The following NOX5 variants were observed in gnomAD, a reference collection of about 807,000 sequenced individuals.
NOX5 encodes the protein NADPH oxidase 5.
In NOX5, 76 loss-of-function variants were observed where a neutral mutation model predicts 85.7. The ratio of observed to expected loss-of-function variants is 0.89; its 90% CI spans 0.74 to 1.07. The LOEUF (loss-of-function observed/expected upper bound fraction) is 1.07, where lower values mean the gene tolerates loss of function less well. Among genes scored for constraint, NOX5 ranks in the 50% least tolerant of loss-of-function variants. NOX5 has a pLI of 0.00. For missense variants in NOX5, 973 were observed against 999.5 expected, an observed-to-expected ratio of 0.97 and a Z score of 0.36; for synonymous variants, 405 against 401.4, an observed-to-expected ratio of 1.01 and a Z score of -0.11.
intron 10 of NOX5, among the ~76,000 whole-genome samples, chr15:69,043,741 A>T (rs2050625991): frequency 6.6e-6 from 1 of 152,170 alleles, no homozygotes; most frequent in Non-Finnish European, 1.5e-5. Flanking sequence ...AATGGGCTAG[A>T]TACACTAAAA....
At chr15:69,018,572 C>T (rs1479025875) in intron 1 of NOX5, among the ~76,000 whole-genome samples, 4 of 146,090 alleles carry the variant, frequency 2.7e-5, no homozygotes, top group South Asian at 4.6e-4. Flanking sequence ...TTACTGGACG[C>T]CCAAAGCTGG....
rs2050362182 is a variant in NOX5 at position 69,026,657 on chromosome 15, T to C, written c.174+6T>C. On this transcript the variant is annotated splice_donor_region_variant and intron_variant, in intron 2 of 15. Transcript: ENST00000388866. ...CAGCTCTGCATGTGAAAGAGGCAAG[T>C]GTTGGGCCAAGGTGGAAGCCCTGCA... The C allele has an allele frequency of 1.2e-6, 2 of 1,613,904 alleles. No individual in the cohort carries two copies. Among genetic ancestry groups the C allele is most frequent in the Non-Finnish European group, 1.7e-6 (2 of 1,179,932 alleles).
intron 1 of NOX5, among the ~76,000 whole-genome samples, chr15:69,015,896 G>A (rs1041807910): frequency 2.2e-5 from 3 of 134,582 alleles, no homozygotes. Flanking sequence ...ATCAGTGAAG[G>A]TCGAAGCAGA....
At chr15:69,028,530 T>C in intron 3 of NOX5, 165 bp downstream of exon 3, 1 of 527,542 alleles carries the variant, frequency 1.9e-6, no homozygotes, top group Non-Finnish European at 3.2e-6. Context: ...CTCACATCTC[T>C]CTCCCAGTCC....
chr15:69,054,057 A>C (rs2050780882), intron 14 of NOX5, among the ~76,000 whole-genome samples: 1 of 152,138 alleles, frequency 6.6e-6, no homozygotes, highest in African/African-American at 2.4e-5. Context: ...CTGGGTGTAG[A>C]GGAAGAGAGG....
chr15:69,033,181 C>A lies in NOX5; in HGVS notation c.759C>A (p.Phe253Leu). ...ATYAGLHVLL[F>L]GLAASAHRDL... ...ATGCAGGCCTCCACGTGCTGCTCTT[C>A]GGGCTGGCGGCCAGCGCGCACCGGG... Residue 253 changes from phenylalanine (F) to leucine (L), a missense_variant, in exon 5 of 16, where the codon TTC (phenylalanine) becomes TTA (leucine). By Grantham distance (22) the Phe-to-Leu change is conservative (BLOSUM62 0). Coordinates refer to ENST00000388866, the MANE Select transcript of NOX5 (RefSeq NM_024505.4). 1 of 1,589,706 alleles carries A rather than the reference C, an allele frequency of 6.3e-7. No homozygotes were observed. The highest frequency in any genetic ancestry group is 8.5e-7 in the Non-Finnish European group (1 of 1,175,380).
At position 69,035,488 on chromosome 15, in the gene NOX5, G is replaced by C; in HGVS notation, c.990G>C (p.Val330=). Residue 330 remains valine (V), a synonymous_variant, in exon 6 of 16, where the codon GTG becomes GTC. Transcript: ENST00000388866. ...TGGGGCTGTCCCTCGTGCACACCGT[G>C]GCTCACACTGTGAACTTTGGTGAGT... is the stretch of plus-strand genomic sequence containing the variant. ...VVVGLSLVHT[V]AHTVNFVLQA... is the part of the protein sequence containing the mutation. 6.2e-7 allele frequency: 1 copy of C among 1,614,164 alleles called. No homozygotes were observed. Among genetic ancestry groups the C allele is most frequent in the Non-Finnish European group, 8.5e-7 (1 of 1,179,986 alleles).
At position 69,035,789 on chromosome 15, in the gene NOX5, C is replaced by G. The variant is rs547178349; in HGVS notation, c.1041C>G (p.Phe347Leu). 7 of 1,614,218 alleles carry G rather than the reference C, an allele frequency of 4.3e-6. No homozygotes were observed. Among genetic ancestry groups the G allele is most frequent in the Middle Eastern group, 1.7e-4 (1 of 6,060 alleles). The change falls in exon 7 of 16, where the codon TTC (phenylalanine) becomes TTG (leucine). Residue 347 changes from phenylalanine to leucine, a missense_variant. Coordinates refer to ENST00000388866, the MANE Select transcript of NOX5 (RefSeq NM_024505.4). ...AGGCTCAGGCGGAGGCCAGCCCTTT[C>G]CAGTTCTGGGAGCTGCTGCTCACCA... is the stretch of plus-strand genomic sequence containing the variant. ...VLQAQAEASP[F>L]QFWELLLTTR...
chr15:69,040,374 T>C (rs931765553), intron 9 of NOX5, among the ~76,000 whole-genome samples: 2 of 152,216 alleles, frequency 1.3e-5, no homozygotes, highest in Admixed American at 6.5e-5. Flanking sequence ...GGAAAACCAT[T>C]GCCAATTATT....
intron 1 of NOX5, among the ~76,000 whole-genome samples, chr15:69,017,679 T>C (rs1371975266): frequency 6.6e-6 from 1 of 152,090 alleles, no homozygotes; most frequent in African/African-American, 2.4e-5. Context: ...TCAGGATAGC[T>C]TGAGGGCTGT....
intron 14 of NOX5, among the ~76,000 whole-genome samples, chr15:69,052,918 A>G (rs1011658429): frequency 1.3e-5 from 2 of 152,196 alleles, no homozygotes; most frequent in Non-Finnish European, 2.9e-5. Flanking sequence ...TTTAATTTAA[A>G]TTTTCTAGTT....
intron 10 of NOX5, among the ~76,000 whole-genome samples, chr15:69,043,851 C>T (rs2050627631): frequency 6.6e-6 from 1 of 152,138 alleles, no homozygotes. Flanking sequence ...AATATGTATA[C>T]CTACACACCC....
intron 2 of NOX5, 51 bp downstream of exon 2, chr15:69,026,702 GT>G (rs776518289): frequency 1.2e-6 from 2 of 1,611,602 alleles, no homozygotes. Flanking sequence ...ATGTGGCCTG[GT>G]TCTCAGGGCA....
rs1274397890 is a variant in NOX5 at position 69,028,247 on chromosome 15, T to C, written c.207T>C (p.Phe69=). 6.2e-7 allele frequency: 1 copy of C among 1,612,190 alleles called. No homozygotes were observed. The highest frequency in any genetic ancestry group is 8.5e-7 in the Non-Finnish European group (1 of 1,179,124). ...TTGCAGAGCGATTCTTTGCCCTATT[T>C]GACTCCGATAGAAGTGGCACCATCA... ...SFFAERFFAL[F]DSDRSGTITL... is the part of the protein sequence containing the mutation. The change falls in exon 3 of 16, where the codon TTT becomes TTC. Residue 69 remains phenylalanine (F), a synonymous_variant. Transcript: ENST00000388866.
At chr15:69,015,143 G>T (rs2050216027) in intron 1 of NOX5, among the ~76,000 whole-genome samples, 1 of 152,298 alleles carries the variant, frequency 6.6e-6, no homozygotes, top group African/African-American at 2.4e-5. Flanking sequence ...GCAAAGCAAG[G>T]CTGGACCTAA....
At chr15:69,052,911 A>T (rs1037096521) in intron 14 of NOX5, among the ~76,000 whole-genome samples, 2 of 152,228 alleles carry the variant, frequency 1.3e-5, no homozygotes, top group Non-Finnish European at 2.9e-5. Flanking sequence ...GTTTAAATTT[A>T]ATTTAAATTT....
Position 69,038,872 on chromosome 15 carries a change from A to G in NOX5, c.1387A>G (p.Ile463Val). 1 of 1,614,148 alleles carries G rather than the reference A, an allele frequency of 6.2e-7. No individual in the cohort carries two copies. Among genetic ancestry groups the G allele is most frequent in the Middle Eastern group, 1.7e-4 (1 of 6,060 alleles). The change falls in exon 9 of 16, where the codon ATC (isoleucine) becomes GTC (valine). Residue 463 changes from isoleucine (I) to valine (V), a missense_variant. Physicochemically the swap from Ile to Val is conservative, Grantham distance 29 (BLOSUM62 3). Coordinates refer to ENST00000388866, the MANE Select transcript of NOX5 (RefSeq NM_024505.4). The stretch of plus-strand genomic sequence containing the variant: ...TCTTTCCCAGGTCACTCATCTCCTC[A>G]TCAAGCGGCCCCCTTTTTTTCACTA... ...LLPSKVTHLLIKRPPFFHYRP... is the reference protein window; with the variant it reads ...LLPSKVTHLLVKRPPFFHYRP...
intron 14 of NOX5, among the ~76,000 whole-genome samples, 172 bp downstream of exon 14, chr15:69,049,230 C>T (rs2050717020): frequency 6.8e-6 from 1 of 146,502 alleles, no homozygotes; most frequent in Middle Eastern, 3.6e-3. Flanking sequence ...CTCACTCTGT[C>T]GCCCAAGCTG....
intron 7 of NOX5, 125 bp downstream of exon 7, chr15:69,036,061 T>G: frequency 7.6e-7 from 1 of 1,321,820 alleles, no homozygotes; most frequent in Non-Finnish European, 1.0e-6. Flanking sequence ...ATTATTTGCA[T>G]GTGATTTGGG....
Sources: allele counts gnomAD v4.1 joint callset (sites outside exome capture counted in the v4.1 genomes callset), GRCh38; gene constraint gnomAD v4.1.1; transcripts MANE v1.5; gene names NCBI Gene and HGNC (gene_info 2026-07-23, HGNC 2026-07-21).